The following EXOC4 variants were observed in gnomAD, a reference collection of about 807,000 sequenced individuals.
The protein encoded by EXOC4 is exocyst complex component 4.
EXOC4 carries 71 observed loss-of-function variants against 107.2 expected under a neutral mutation model. The observed-to-expected ratio is 0.66, with a 90% confidence interval of 0.55 to 0.81. EXOC4 has a LOEUF of 0.81. Ranked by LOEUF, EXOC4 falls within the 30% of genes least tolerant of loss-of-function variation. The pLI is 0.00. For missense variants in EXOC4, 1,108 were observed against 1,189.6 expected (o/e 0.93, Z 1.01); for synonymous variants, 456 against 441.2 (o/e 1.03, Z -0.42).
intron 2 of EXOC4, among the ~76,000 whole-genome samples, chr7:133,279,272 A>G (rs1049165261): frequency 6.6e-5 from 10 of 152,290 alleles, no homozygotes; most frequent in African/African-American, 9.6e-5. Flanking sequence ...TAGTGCCGCA[A>G]TAAACATACG....
intron 7 of EXOC4, among the ~76,000 whole-genome samples, chr7:133,453,121 G>A (rs544241535): frequency 3.6e-4 from 55 of 152,326 alleles, no homozygotes; most frequent in African/African-American, 1.3e-3. Context: ...TCTGTAGACT[G>A]TGAGAATATA....
At chr7:134,022,940 G>T (rs1021686846) in intron 17 of EXOC4, among the ~76,000 whole-genome samples, 2 of 152,140 alleles carry the variant, frequency 1.3e-5, no homozygotes, top group Admixed American at 1.3e-4. Context: ...TCCTTAGTCT[G>T]CATTTCAAAG....
intron 11 of EXOC4, among the ~76,000 whole-genome samples, chr7:133,889,992 C>A (rs1485533703): frequency 1.2e-4 from 2 of 17,048 alleles, no homozygotes; most frequent in Admixed American, 9.7e-4. Context: ...CCTGAGGAAT[C>A]GCCACACTGA....
intron 14 of EXOC4, among the ~76,000 whole-genome samples, chr7:133,960,829 C>T (rs1377004303): frequency 6.6e-6 from 1 of 152,158 alleles, no homozygotes; most frequent in Non-Finnish European, 1.5e-5. Context: ...AGCCAGTAGT[C>T]AGCTGCAATG....
chr7:133,413,629 T>C (rs1028803461), intron 7 of EXOC4, among the ~76,000 whole-genome samples: 2 of 152,172 alleles, frequency 1.3e-5, no homozygotes, highest in African/African-American at 4.8e-5. Flanking sequence ...TGGGGACTTA[T>C]AGCCATGTTT....
At chr7:133,994,338 C>A (rs1306914364) in intron 14 of EXOC4, among the ~76,000 whole-genome samples, 3 of 152,058 alleles carry the variant, frequency 2.0e-5, no homozygotes, top group Non-Finnish European at 2.9e-5. Flanking sequence ...CATATATGCA[C>A]CATGCCTATC....
chr7:133,956,669 A>G (rs1208288228), intron 14 of EXOC4, among the ~76,000 whole-genome samples: 1 of 152,328 alleles, frequency 6.6e-6, no homozygotes. Flanking sequence ...GGCAGCTCCA[A>G]GAAGGCAAAG....
the EXOC4 span, among the ~76,000 whole-genome samples, chr7:134,083,727 T>A: frequency 6.6e-6 from 1 of 152,218 alleles, no homozygotes; most frequent in Non-Finnish European, 1.5e-5. Flanking sequence ...CCTTTTAAAT[T>A]GTAGTCCTAA....
chr7:133,384,767 C>CAATG (rs1454235763), intron 7 of EXOC4, among the ~76,000 whole-genome samples: 1 of 142,822 alleles, frequency 7.0e-6, no homozygotes, highest in Non-Finnish European at 1.5e-5. Context: ...ATTGTGGAAG[C>CAATG]AATGAGTATG....
intron 8 of EXOC4, among the ~76,000 whole-genome samples, chr7:133,477,519 T>G (rs1309039912): frequency 6.6e-6 from 1 of 152,228 alleles, no homozygotes; most frequent in Admixed American, 6.5e-5. Context: ...AACATTCCTT[T>G]GTGTGGATAT....
At chr7:133,986,252 G>A (rs1015713482) in intron 14 of EXOC4, among the ~76,000 whole-genome samples, 4 of 152,176 alleles carry the variant, frequency 2.6e-5, no homozygotes, top group African/African-American at 9.6e-5. Flanking sequence ...TTATTACTTG[G>A]AGGCAGAAGA....
intron 4 of EXOC4, among the ~76,000 whole-genome samples, chr7:133,306,718 A>G (rs1468162013): frequency 1.3e-5 from 2 of 152,074 alleles, no homozygotes; most frequent in Non-Finnish European, 2.9e-5. Context: ...AAAAAAGACA[A>G]AAAGAAATAT....
chr7:133,711,063 CT>C (rs1288726122), intron 10 of EXOC4, among the ~76,000 whole-genome samples: 2 of 152,168 alleles, frequency 1.3e-5, no homozygotes, highest in Non-Finnish European at 2.9e-5. Flanking sequence ...ACAAAATGAA[CT>C]GTATCATTTT....
chr7:133,267,548 T>C (rs901211702), intron 1 of EXOC4, among the ~76,000 whole-genome samples: 1 of 152,174 alleles, frequency 6.6e-6, no homozygotes, highest in African/African-American at 2.4e-5. Context: ...AGTAGCCTCC[T>C]TCCTCCTTGC....
chr7:133,802,028 T>C (rs917076540), intron 10 of EXOC4, among the ~76,000 whole-genome samples: 1 of 152,228 alleles, frequency 6.6e-6, no homozygotes, highest in Non-Finnish European at 1.5e-5. Flanking sequence ...ATATTTCTGC[T>C]CCTTGGGAAA....
At chr7:134,081,273 G>T in the EXOC4 span, among the ~76,000 whole-genome samples, 1 of 152,166 alleles carries the variant, frequency 6.6e-6, no homozygotes, top group Non-Finnish European at 1.5e-5. Context: ...AGCCCAGGGG[G>T]TGGAAGTTGC....
chr7:133,639,998 T>TA (rs1205011202), intron 10 of EXOC4, among the ~76,000 whole-genome samples: 2 of 152,210 alleles, frequency 1.3e-5, no homozygotes, highest in South Asian at 2.1e-4. Flanking sequence ...CTCTAAATTT[T>TA]AAAAATCTTT....
chr7:134,031,558 C>T (rs1795271647), intron 17 of EXOC4, among the ~76,000 whole-genome samples: 1 of 152,054 alleles, frequency 6.6e-6, no homozygotes, highest in African/African-American at 2.4e-5. Context: ...AAGGAGCTTC[C>T]AGGTAGAGGA....
chr7:133,969,782 C>T (rs1241088149), intron 14 of EXOC4, among the ~76,000 whole-genome samples: 1 of 152,208 alleles, frequency 6.6e-6, no homozygotes, highest in East Asian at 1.9e-4. Flanking sequence ...TCGACCCCTG[C>T]TGGGAGGTAT....
Sources: allele counts gnomAD v4.1 joint callset (sites outside exome capture counted in the v4.1 genomes callset), GRCh38; gene constraint gnomAD v4.1.1; transcripts MANE v1.5; gene names NCBI Gene and HGNC (gene_info 2026-07-23, HGNC 2026-07-21).